SUSD4: variants seen among roughly 807,000 people sequenced by gnomAD.
SUSD4 encodes the protein sushi domain containing 4, also known as sushi domain-containing protein 4.
In SUSD4, 41 loss-of-function variants were observed where a neutral mutation model predicts 50.5. That is an observed-to-expected ratio of 0.81 (90% CI 0.63 to 1.05). SUSD4 has a LOEUF of 1.05. SUSD4 is among the 50% of genes least tolerant of loss of function. The pLI, the probability that SUSD4 is intolerant of heterozygous loss-of-function variation, is 0.00. For missense variants in SUSD4, 580 were observed against 634.7 expected, an observed-to-expected ratio of 0.91 and a Z score of 0.93; for synonymous variants, 257 against 257.3, an observed-to-expected ratio of 1.00 and a Z score of 0.01.
At chr1:223,254,754 G>A (rs1558185414) in intron 5 of SUSD4, among the ~76,000 whole-genome samples, 1 of 152,066 alleles carries the variant, frequency 6.6e-6, no homozygotes, top group African/African-American at 2.4e-5. Context: ...GTATGAGAGA[G>A]ATGTGTGACC....
At chr1:223,346,745 T>C (rs552105279) in intron 2 of SUSD4, among the ~76,000 whole-genome samples, 1 of 152,356 alleles carries the variant, frequency 6.6e-6, no homozygotes, top group Admixed American at 6.5e-5. Context: ...TGTAAAGCAC[T>C]TCAAAAGTGC....
chr1:223,351,249 A>G (rs1668349587), intron 2 of SUSD4, among the ~76,000 whole-genome samples: 1 of 152,246 alleles, frequency 6.6e-6, no homozygotes, highest in Non-Finnish European at 1.5e-5. Context: ...CTAGAATGAT[A>G]CAGCTGCACT....
At chr1:223,317,574 C>T (rs1009358858) in intron 2 of SUSD4, among the ~76,000 whole-genome samples, 4 of 152,216 alleles carry the variant, frequency 2.6e-5, no homozygotes, top group South Asian at 2.1e-4. Context: ...AGTCTTTGGA[C>T]GTTCTTGTGT....
intron 2 of SUSD4, among the ~76,000 whole-genome samples, chr1:223,353,479 TG>T (rs1463415296): frequency 2.6e-5 from 4 of 152,306 alleles, no homozygotes; most frequent in Non-Finnish European, 4.4e-5. Context: ...ACAAGTCTTA[TG>T]GCCCCTGATT....
intron 2 of SUSD4, among the ~76,000 whole-genome samples, chr1:223,316,428 C>G (rs988150672): frequency 6.6e-6 from 1 of 152,132 alleles, no homozygotes; most frequent in Non-Finnish European, 1.5e-5. Context: ...CCTCTCCACT[C>G]TCCTCCACAC....
chr1:223,265,469 G>A (rs930167791), intron 4 of SUSD4, among the ~76,000 whole-genome samples: 3 of 152,230 alleles, frequency 2.0e-5, no homozygotes, highest in Non-Finnish European at 4.4e-5. Flanking sequence ...CACCTGCAGA[G>A]CTTCTGTTTC....
intron 5 of SUSD4, among the ~76,000 whole-genome samples, chr1:223,234,035 T>G (rs1339861104): frequency 1.3e-5 from 2 of 152,202 alleles, no homozygotes; most frequent in Admixed American, 1.3e-4. Context: ...TCAGACTAGC[T>G]GGAAAATTCC....
At chr1:223,322,212 G>A (rs1423321951) in intron 2 of SUSD4, among the ~76,000 whole-genome samples, 1 of 152,228 alleles carries the variant, frequency 6.6e-6, no homozygotes, top group Admixed American at 6.5e-5. Flanking sequence ...AGGTGACAGA[G>A]TCACAGGTAC....
intron 2 of SUSD4, among the ~76,000 whole-genome samples, chr1:223,293,136 G>A (rs912884112): frequency 6.6e-6 from 1 of 152,134 alleles, no homozygotes; most frequent in Non-Finnish European, 1.5e-5. Flanking sequence ...AGACGGCAGC[G>A]TGTGTTGAGG....
At chr1:223,333,172 A>G (rs928332884) in intron 2 of SUSD4, among the ~76,000 whole-genome samples, 6 of 152,148 alleles carry the variant, frequency 3.9e-5, no homozygotes, top group Non-Finnish European at 5.9e-5. Flanking sequence ...GCACACACCC[A>G]CGGGTGCACA....
chr1:223,339,095 G>T (rs1390653288), intron 2 of SUSD4, among the ~76,000 whole-genome samples: 2 of 152,132 alleles, frequency 1.3e-5, no homozygotes, highest in Non-Finnish European at 2.9e-5. Context: ...AAGCAGAAGG[G>T]AGTAATATCC....
intron 2 of SUSD4, among the ~76,000 whole-genome samples, chr1:223,339,325 T>C (rs1177358478): frequency 2.0e-5 from 3 of 152,272 alleles, no homozygotes; most frequent in East Asian, 1.9e-4. Context: ...AGAGACTAAA[T>C]GTGGACTATT....
intron 5 of SUSD4, among the ~76,000 whole-genome samples, chr1:223,239,165 T>C (rs1196129914): frequency 6.6e-6 from 1 of 152,106 alleles, no homozygotes; most frequent in East Asian, 1.9e-4. Flanking sequence ...TTCCTTTCTT[T>C]TCATTACTGT....
intron 3 of SUSD4, among the ~76,000 whole-genome samples, chr1:223,284,003 T>G (rs1663950203): frequency 6.6e-6 from 1 of 150,476 alleles, no homozygotes; most frequent in Non-Finnish European, 1.5e-5. Context: ...ACACCGCATA[T>G]TCTCACTCAT....
At chr1:223,330,317 C>T (rs1667107314) in intron 2 of SUSD4, among the ~76,000 whole-genome samples, 1 of 152,188 alleles carries the variant, frequency 6.6e-6, no homozygotes, top group Admixed American at 6.5e-5. Context: ...CCACAATCCA[C>T]ATATCACTGT....
chr1:223,332,790 T>C lies in SUSD4; in HGVS notation c.148+30488A>G, dbSNP rs994159365. ...TCGGAGGTCTAAGGTTTGCTCCTTCTCTGTCCTGCCCCTGTCCTTTATGCC... is the reference window on the plus strand; with the variant it reads ...TCGGAGGTCTAAGGTTTGCTCCTTCCCTGTCCTGCCCCTGTCCTTTATGCC... On this transcript the variant is annotated intron_variant, in intron 2 of 8. Coordinates refer to ENST00000366878, the MANE Select transcript of SUSD4 (RefSeq NM_017982.4). The surrounding 1 kb of genome is among the most constrained non-coding windows in gnomAD (Gnocchi z 4.0). Among the ~76,000 whole-genome samples the C allele has an allele frequency of 6.6e-6, 1 of 152,134 alleles. No individual in the cohort carries two copies. The highest frequency in any genetic ancestry group is 1.5e-5 in the Non-Finnish European group (1 of 68,008).
intron 3 of SUSD4, among the ~76,000 whole-genome samples, chr1:223,270,347 A>G (rs1363879687): frequency 2.0e-5 from 3 of 152,094 alleles, no homozygotes; most frequent in African/African-American, 4.8e-5. Flanking sequence ...AAGAGTGCCG[A>G]AAGGAGTTCT....
intron 2 of SUSD4, among the ~76,000 whole-genome samples, chr1:223,349,328 C>T (rs1293633044): frequency 1.3e-5 from 2 of 152,164 alleles, no homozygotes; most frequent in Non-Finnish European, 2.9e-5. Flanking sequence ...GCTACCTCCC[C>T]ATAATAATTC....
chr1:223,314,710 G>T (rs896107385), intron 2 of SUSD4, among the ~76,000 whole-genome samples: 1 of 151,974 alleles, frequency 6.6e-6, no homozygotes, highest in Non-Finnish European at 1.5e-5. Flanking sequence ...TTCCTTGCAC[G>T]AGCTCTCTTC....
Sources: allele counts gnomAD v4.1 joint callset (sites outside exome capture counted in the v4.1 genomes callset), GRCh38; gene constraint gnomAD v4.1.1; non-coding constraint Gnocchi (gnomAD v3.1); transcripts MANE v1.5; gene names NCBI Gene and HGNC (gene_info 2026-07-23, HGNC 2026-07-21).